The following CHDH variants were observed in gnomAD, a reference collection of about 807,000 sequenced individuals.
The protein encoded by CHDH is choline dehydrogenase.
A neutral mutation model predicts 56.9 loss-of-function variants in CHDH; 43 were observed. The ratio of observed to expected loss-of-function variants is 0.76; its 90% CI spans 0.59 to 0.97. The LOEUF is 0.97. Among genes scored for constraint, CHDH ranks in the 50% least tolerant of loss-of-function variants. The pLI is 0.00. For missense variants in CHDH, 816 were observed against 821.1 expected (o/e 0.99, Z 0.08); for synonymous variants, 364 against 348.5 (o/e 1.04, Z -0.50).
At chr3:53,832,830 G>A (rs1282915989) in intron 2 of CHDH, among the ~76,000 whole-genome samples, 1 of 152,158 alleles carries the variant, frequency 6.6e-6, no homozygotes, top group African/African-American at 2.4e-5. Flanking sequence ...TCTGTTTGAG[G>A]TGATGCAAAA....
Position 53,820,504 on chromosome 3 carries a change from T to C in CHDH, c.1090A>G (p.Ile364Val). 1.2e-6 allele frequency: 2 copies of C among 1,613,740 alleles called. No individual in the cohort carries two copies. Residue 364 changes from isoleucine to valine, a missense_variant, in exon 6 of 9, where the codon ATT (isoleucine) becomes GTT (valine). Physicochemically the swap from Ile to Val is conservative, Grantham distance 29. Transcript: ENST00000315251. The part of the protein sequence containing the change: ...SAQKPLRKVC[I>V]GLEWLWKFTG... The stretch of plus-strand genomic sequence containing the variant: ...AATTTCCAGAGCCACTCCAGACCAA[T>C]GCAGACCTTCCGCAGGGGCTTCTGT...
chr3:53,829,915 A>G (rs1698281262), intron 2 of CHDH, among the ~76,000 whole-genome samples: 1 of 152,218 alleles, frequency 6.6e-6, no homozygotes, highest in Non-Finnish European at 1.5e-5. Context: ...TAGTCTCAAC[A>G]TTCAAACCAA....
intron 2 of CHDH, among the ~76,000 whole-genome samples, chr3:53,839,196 G>C (rs796543501): frequency 4.6e-5 from 7 of 152,344 alleles, no homozygotes; most frequent in African/African-American, 1.7e-4. Context: ...GTCTGAACGG[G>C]AGAATGCAAT....
intron 2 of CHDH, among the ~76,000 whole-genome samples, chr3:53,835,849 C>T (rs1026495254): frequency 8.5e-5 from 13 of 152,112 alleles, no homozygotes; most frequent in Non-Finnish European, 1.8e-4. Context: ...CCATCAGCCC[C>T]ATGTCACAGA....
Position 53,823,333 on chromosome 3 carries a change from C to G in CHDH, c.676G>C (p.Gly226Arg), listed in dbSNP as rs756969396. ...TCATGGATGGTCATGTCCATCCAGC[C>G]GAAGCCCTCCTGCTGGAAGCCATTC... ...DMNGFQQEGF[G>R]WMDMTIHEGK... Residue 226 changes from glycine (G) to arginine (R), a missense_variant, in exon 3 of 9, where the codon GGC becomes CGC. Transcript: ENST00000315251. 6 of 1,586,888 alleles carry G rather than the reference C, an allele frequency of 3.8e-6. No individual in the cohort carries two copies. The Admixed American group carries it at 8.8e-5, about 23-fold the overall frequency.
At chr3:53,827,271 C>T (rs114445998) in intron 2 of CHDH, among the ~76,000 whole-genome samples, 77 of 152,210 alleles carry the variant, frequency 5.1e-4, no homozygotes, top group African/African-American at 1.8e-3. Flanking sequence ...TGGCACCTCC[C>T]CTCCTCTCTC....
intron 5 of CHDH, among the ~76,000 whole-genome samples, chr3:53,821,343 C>T (rs930683801): frequency 2.0e-5 from 3 of 152,216 alleles, no homozygotes; most frequent in Non-Finnish European, 4.4e-5. Flanking sequence ...TAGAGCTGCC[C>T]TGGTGACACG....
At position 53,819,126 on chromosome 3, in the gene CHDH, G is replaced by A; in HGVS notation, c.1264-86C>T. The A allele has an allele frequency of 2.2e-6, 2 of 915,592 alleles. No homozygotes were observed. The highest frequency in any genetic ancestry group is 2.1e-5 in the Admixed American group (1 of 47,138). The allele number at this position is 915,592 out of a possible 1,614,324, so 56.7% of individuals were successfully genotyped here. The stretch of plus-strand genomic sequence containing the variant: ...CAACCCTGGTTTACCTGTAGGGTGG[G>A]CCTCTGCTTCCAGAATCAGTGGGGA... On this transcript the variant is annotated intron_variant, in intron 7 of 8. Coordinates refer to ENST00000315251, the MANE Select transcript of CHDH (RefSeq NM_018397.5). This position sits in a 1 kb window ranked among gnomAD's most constrained non-coding sequence, Gnocchi z 5.4.
rs946093758 is a variant in CHDH, at chr3:53,846,366, C to T, written c.-414G>A. The T allele has an allele frequency of 5.3e-5, 25 of 469,560 alleles. No homozygotes were observed. Among genetic ancestry groups the T allele is most frequent in the Middle Eastern group, 1.1e-3 (2 of 1,850 alleles). The allele number at this position is 469,560 out of a possible 1,614,324, so 29.1% of individuals were successfully genotyped here. A position where few individuals can be genotyped will look rare whatever the true frequency, so the allele number is the denominator to read the frequency against. On this transcript the variant is annotated 5_prime_UTR_variant, in exon 1 of 9. Coordinates refer to ENST00000315251, the MANE Select transcript of CHDH (RefSeq NM_018397.5). ...GGGGTAGGCGCGCGCCGCGGCGGCCCGTGCTCCGCCAGCGCTCGGACACGG... is the reference window on the plus strand; with the variant it reads ...GGGGTAGGCGCGCGCCGCGGCGGCCTGTGCTCCGCCAGCGCTCGGACACGG...
At position 53,818,209 on chromosome 3, in the gene CHDH, G is replaced by GAAAC. The variant is rs780501793; in HGVS notation, c.1367-18_1367-15dup. ...CAATATCAGTTTCTGTCGAGGAGAA[G>GAAAC]AAACAGGTGAGGACCCCTCCTTTTG... On this transcript the variant is annotated splice_polypyrimidine_tract_variant and intron_variant, in intron 8 of 8. Coordinates refer to ENST00000315251, the MANE Select transcript of CHDH (RefSeq NM_018397.5). 1.9e-6 allele frequency: 3 copies of GAAAC among 1,583,988 alleles called. No individual in the cohort carries two copies. Among genetic ancestry groups the GAAAC allele is most frequent in the Non-Finnish European group, 2.6e-6 (3 of 1,166,848 alleles).
In CHDH at chr3:53,839,507, G is replaced by A. The variant is rs145317033; in HGVS notation, c.-60+1422C>T. Among the ~76,000 whole-genome samples the A allele has an allele frequency of 1.3e-4, 20 of 152,334 alleles. No homozygotes were observed. In the South Asian group the frequency reaches 1.9e-3, roughly 14 times the overall value. Reference sequence around the variant, plus strand: ...CCCTGCTCATCTGAACACTGAGTGCGTATGTGAGGATGTCAAGATATCATT... The same window carrying A: ...CCCTGCTCATCTGAACACTGAGTGCATATGTGAGGATGTCAAGATATCATT... On this transcript the variant is annotated intron_variant, in intron 2 of 8. Transcript: ENST00000315251.
At chr3:53,845,483 G>A (rs1337999613) in intron 1 of CHDH, among the ~76,000 whole-genome samples, 4 of 152,204 alleles carry the variant, frequency 2.6e-5, no homozygotes, top group African/African-American at 4.8e-5. Context: ...CAACCCTGTC[G>A]TTTGCAAACC....
chr3:53,825,564 T>A (rs939585978), intron 2 of CHDH, among the ~76,000 whole-genome samples: 1 of 152,008 alleles, frequency 6.6e-6, no homozygotes, highest in Non-Finnish European at 1.5e-5. Flanking sequence ...TCTGGGACAA[T>A]ATCAAACTAA....
intron 2 of CHDH, among the ~76,000 whole-genome samples, chr3:53,828,550 C>T (rs1199390928): frequency 6.6e-6 from 1 of 152,186 alleles, no homozygotes; most frequent in Non-Finnish European, 1.5e-5. Flanking sequence ...ATTCTTAAAA[C>T]TCAATAACAG....
At chr3:53,838,317 GAGTCA>G (rs200288585) in intron 2 of CHDH, among the ~76,000 whole-genome samples, 3,455 of 152,262 alleles carry the variant, frequency 0.023, 66 homozygotes, top group Non-Finnish European at 0.029. Flanking sequence ...GCCCCTCCCA[GAGTCA>G]AGCACCTGAT....
chr3:53,826,638 C>A (rs918537331), intron 2 of CHDH, among the ~76,000 whole-genome samples: 1 of 145,148 alleles, frequency 6.9e-6, no homozygotes, highest in African/African-American at 2.7e-5. Flanking sequence ...AAAAACCCTA[C>A]AACTAACATC....
At chr3:53,843,971 G>C (rs914482018) in intron 1 of CHDH, among the ~76,000 whole-genome samples, 1 of 152,218 alleles carries the variant, frequency 6.6e-6, no homozygotes, top group Admixed American at 6.5e-5. Context: ...CTCTCATGCA[G>C]GGCCACTTGA....
At chr3:53,820,699 T>G in intron 5 of CHDH, 91 bp from the exon 6 acceptor site, 2 of 1,464,640 alleles carry the variant, frequency 1.4e-6, no homozygotes, top group Non-Finnish European at 9.3e-7. Flanking sequence ...TTCTTTCCTA[T>G]TCCCTTATCT....
Position 53,839,600 on chromosome 3 carries a change from C to T in CHDH, c.-60+1329G>A, listed in dbSNP as rs541900484. ...ACTCACCCTTTCAGGAACCTTTGTA[C>T]ATTGTTTGTGGGAATGCAAATTAGT... On this transcript the variant is annotated intron_variant, in intron 2 of 8. Transcript: ENST00000315251. Among the ~76,000 whole-genome samples, 4 of 152,326 alleles carry T rather than the reference C, an allele frequency of 2.6e-5. No homozygotes were observed. In the East Asian group the frequency reaches 7.7e-4, roughly 29 times the overall value.
Sources: gnomAD v4.1 joint callset for allele counts (sites outside exome capture counted in the v4.1 genomes callset) on GRCh38, gnomAD v4.1.1 for gene constraint, Gnocchi (gnomAD v3.1) non-coding constraint, MANE v1.5 for transcripts, NCBI Gene and HGNC (gene_info 2026-07-23, HGNC 2026-07-21) for gene names.